The following NEGR1 variants were observed in gnomAD, a reference collection of about 807,000 sequenced individuals.
The protein encoded by NEGR1 is IgLON family member 4.
NEGR1 carries 10 observed loss-of-function variants against 40.9 expected under a neutral mutation model. The ratio of observed to expected loss-of-function variants is 0.24; its 90% confidence interval spans 0.15 to 0.42. The LOEUF (loss-of-function observed/expected upper bound fraction) is 0.42. Ranked by LOEUF, NEGR1 falls within the 10% of genes least tolerant of loss-of-function variation. The probability of loss-of-function intolerance (pLI) is 1.00; values close to 1 mark genes in which losing one functional copy is unlikely to be tolerated. For missense variants in NEGR1, 352 were observed against 438.9 expected, an observed-to-expected ratio of 0.80 and a Z score of 1.77; for synonymous variants, 185 against 166.8, an observed-to-expected ratio of 1.11 and a Z score of -0.84.
chr1:72,246,075 T>G (rs2100521669), intron 1 of NEGR1, among the ~76,000 whole-genome samples: 1 of 152,286 alleles, frequency 6.6e-6, no homozygotes. Flanking sequence ...GAATTACAGT[T>G]ACCTTACTGC....
In NEGR1 at chr1:71,801,992, G is replaced by A. The variant is rs1657580246; in HGVS notation, c.410-25695C>T. Among the ~76,000 whole-genome samples the A allele has an allele frequency of 2.0e-5, 3 of 152,166 alleles. No homozygotes were observed. In the South Asian group the frequency reaches 6.2e-4, roughly 32 times the overall value. ...GGTCTCAGCTGAAAATGAGGAACATGTTATCAGAGACTGAAAGAAAAACTG... is the reference window on the plus strand; with the variant it reads ...GGTCTCAGCTGAAAATGAGGAACATATTATCAGAGACTGAAAGAAAAACTG... On this transcript the variant is annotated intron_variant, in intron 2 of 6. Transcript: ENST00000357731.
At chr1:71,731,577 A>T (rs1654868658) in intron 3 of NEGR1, among the ~76,000 whole-genome samples, 1 of 152,252 alleles carries the variant, frequency 6.6e-6, no homozygotes, top group South Asian at 2.1e-4. Flanking sequence ...CTTCAACATA[A>T]AGACAAGATT....
intron 1 of NEGR1, among the ~76,000 whole-genome samples, chr1:72,083,695 G>A (rs975681066): frequency 3.3e-5 from 5 of 151,990 alleles, no homozygotes; most frequent in Non-Finnish European, 7.4e-5. Context: ...CATTATTTTG[G>A]AGGGAAGTTC....
At chr1:71,737,957 C>A (rs1010423447) in intron 3 of NEGR1, among the ~76,000 whole-genome samples, 1 of 152,114 alleles carries the variant, frequency 6.6e-6, no homozygotes, top group Admixed American at 6.6e-5. Flanking sequence ...GAGCCAGCAC[C>A]TGCTGGGTAC....
At chr1:72,273,855 C>T (rs1486349141) in intron 1 of NEGR1, among the ~76,000 whole-genome samples, 1 of 151,364 alleles carries the variant, frequency 6.6e-6, no homozygotes, top group Admixed American at 6.6e-5. Flanking sequence ...CACTTAAATA[C>T]ATTCATTTCT....
intron 2 of NEGR1, among the ~76,000 whole-genome samples, chr1:71,877,168 A>C (rs886727877): frequency 6.6e-6 from 1 of 152,034 alleles, no homozygotes; most frequent in Admixed American, 6.6e-5. Context: ...AAAAAACAAA[A>C]AAAGGGTCTG....
chr1:71,952,247 T>C (rs951482289), intron 1 of NEGR1, among the ~76,000 whole-genome samples: 2 of 151,964 alleles, frequency 1.3e-5, no homozygotes, highest in African/African-American at 2.4e-5. Flanking sequence ...AAATGGTGAA[T>C]GTAAAGCTAA....
At chr1:71,760,031 T>C (rs1655887720) in intron 3 of NEGR1, among the ~76,000 whole-genome samples, 1 of 152,160 alleles carries the variant, frequency 6.6e-6, no homozygotes, top group Non-Finnish European at 1.5e-5. Context: ...AAAAATCGAA[T>C]TCACAAAATG....
intron 6 of NEGR1, among the ~76,000 whole-genome samples, chr1:71,459,747 T>C (rs1400572572): frequency 1.3e-5 from 2 of 152,214 alleles, no homozygotes; most frequent in Non-Finnish European, 2.9e-5. Context: ...TTGCACAATT[T>C]ATTACTTTCT....
Position 72,177,620 on chromosome 1 carries a change from C to A in NEGR1, c.176+104699G>T, listed in dbSNP as rs142903428. On this transcript the variant is annotated intron_variant, in intron 1 of 6. Transcript: ENST00000357731. ...TACTGCCTATTTTTTAATTTTCTTA[C>A]ATAAAACATTAATATTCTGACCTTT... Among the ~76,000 whole-genome samples the A allele has an allele frequency of 1.9e-3, 295 of 152,068 alleles. 5 individuals carry two copies. The highest frequency in any genetic ancestry group is 6.7e-3 in the African/African-American group (278 of 41,522).
intron 6 of NEGR1, among the ~76,000 whole-genome samples, chr1:71,447,057 C>T (rs1388894244): frequency 6.6e-6 from 1 of 152,158 alleles, no homozygotes; most frequent in Non-Finnish European, 1.5e-5. Flanking sequence ...GCTGACAGGT[C>T]CTGTTAGGAC....
intron 1 of NEGR1, among the ~76,000 whole-genome samples, chr1:72,079,843 A>G (rs1395091319): frequency 6.6e-6 from 1 of 152,124 alleles, no homozygotes; most frequent in Non-Finnish European, 1.5e-5. Context: ...ACTCATTTTA[A>G]TTACATTTAA....
intron 4 of NEGR1, among the ~76,000 whole-genome samples, chr1:71,629,304 G>T (rs941461075): frequency 4.6e-5 from 7 of 151,798 alleles, no homozygotes; most frequent in African/African-American, 1.5e-4. Flanking sequence ...GGATAGCATT[G>T]AATCTATAAA....
At chr1:71,417,970 T>C (rs1557519143) in intron 6 of NEGR1, among the ~76,000 whole-genome samples, 2 of 152,090 alleles carry the variant, frequency 1.3e-5, no homozygotes, top group Non-Finnish European at 2.9e-5. Flanking sequence ...GCTTTTAAAA[T>C]TCAGGTCAGA....
At chr1:71,752,650 G>C (rs2101689326) in intron 3 of NEGR1, among the ~76,000 whole-genome samples, 1 of 152,172 alleles carries the variant, frequency 6.6e-6, no homozygotes, top group East Asian at 1.9e-4. Flanking sequence ...GTCAAATAAA[G>C]ACCTTCTCCA....
intron 4 of NEGR1, among the ~76,000 whole-genome samples, chr1:71,688,327 T>TA (rs1472584264): frequency 1.0e-5 from 1 of 97,792 alleles, no homozygotes; most frequent in African/African-American, 3.8e-5. Context: ...TATATATATA[T>TA]AGATAGATAG....
intron 3 of NEGR1, among the ~76,000 whole-genome samples, chr1:71,717,501 A>G (rs890331208): frequency 1.1e-4 from 16 of 152,208 alleles, no homozygotes; most frequent in Admixed American, 2.6e-4. Context: ...TTTATGTGCC[A>G]TATCTTTCCT....
chr1:71,773,488 G>A (rs1656400138), intron 3 of NEGR1, among the ~76,000 whole-genome samples: 5 of 152,060 alleles, frequency 3.3e-5, no homozygotes. Flanking sequence ...AATACAAAGA[G>A]ATCAATGAAT....
chr1:72,279,018 T>A (rs182072540), intron 1 of NEGR1, among the ~76,000 whole-genome samples: 46 of 152,166 alleles, frequency 3.0e-4, no homozygotes, highest in Non-Finnish European at 4.9e-4. Context: ...ATTCAGAAAT[T>A]TAGCACAGAA....
Sources: gnomAD v4.1 joint callset for allele counts (sites outside exome capture counted in the v4.1 genomes callset) on GRCh38, gnomAD v4.1.1 for gene constraint, MANE v1.5 for transcripts, NCBI Gene and HGNC (gene_info 2026-07-23, HGNC 2026-07-21) for gene names.